The following BRD2 variants were observed in gnomAD, a reference collection of about 807,000 sequenced individuals.
BRD2 encodes the protein bromodomain-containing protein 2.
In BRD2, 15 loss-of-function variants were observed where a neutral mutation model predicts 79.1. The observed-to-expected ratio is 0.19, with a 90% CI of 0.13 to 0.29. The LOEUF is 0.29. BRD2 is among the 10% of genes least tolerant of loss of function. BRD2 has a pLI of 1.00. For missense variants in BRD2, 1,053 were observed against 991.3 expected, an observed-to-expected ratio of 1.06 and a Z score of -0.84; for synonymous variants, 488 against 358.6, an observed-to-expected ratio of 1.36 and a Z score of -4.08.
intron 4 of BRD2, among the ~76,000 whole-genome samples, chr6:32,975,780 T>C (rs1316958825): frequency 6.6e-6 from 1 of 152,196 alleles, no homozygotes; most frequent in Non-Finnish European, 1.5e-5. Flanking sequence ...ACCAGAGACC[T>C]GAGTAGACCA....
At chr6:32,969,235 G>T (rs1416423230) in intron 1 of BRD2, 179 bp downstream of exon 1, 2 of 620,302 alleles carry the variant, frequency 3.2e-6, no homozygotes, top group Non-Finnish European at 6.1e-6. Flanking sequence ...GGGCCATGGG[G>T]GGGGAGGGGA....
intron 8 of BRD2, 61 bp from the exon 9 acceptor site, chr6:32,977,696 G>C: frequency 6.2e-7 from 1 of 1,606,554 alleles, no homozygotes; most frequent in Non-Finnish European, 8.5e-7. Flanking sequence ...TATATCACTT[G>C]GTGGCTGGGT....
intron 1 of BRD2, 72 bp downstream of exon 1, chr6:32,969,128 G>C (rs994484767): frequency 5.2e-5 from 28 of 539,682 alleles, no homozygotes; most frequent in Non-Finnish European, 9.1e-5. Flanking sequence ...CCGGGAGGGG[G>C]ATTCTTGGGG....
intron 10 of BRD2, chr6:32,978,691 G>A (rs951829710): frequency 2.4e-5 from 11 of 453,840 alleles, no homozygotes; most frequent in Non-Finnish European, 3.9e-5. Context: ...TAGGGTTCAT[G>A]CTTCTATGAG....
Position 32,974,571 on chromosome 6 carries a change from A to G in BRD2, c.139A>G (p.Thr47Ala). 1 of 1,614,262 alleles carries G rather than the reference A, an allele frequency of 6.2e-7. No homozygotes were observed. Among genetic ancestry groups the G allele is most frequent in the South Asian group, 1.1e-5 (1 of 91,090 alleles). The change falls in exon 3 of 13, where the codon ACA becomes GCA. Residue 47 changes from threonine (T) to alanine (A), a missense_variant. Physicochemically the swap from Thr to Ala is moderately conservative, Grantham distance 58. Transcript: ENST00000374825. ...SLLYEGFESP[T>A]MASVPALQLT... ...CTTGTATGAGGGCTTTGAGAGCCCC[A>G]CAATGGCTTCGGTGCCTGCTTTGCA...
At chr6:32,979,600 A>C in intron 10 of BRD2, 2 of 534,312 alleles carry the variant, frequency 3.7e-6, no homozygotes, top group Non-Finnish European at 3.3e-6. Flanking sequence ...TCATTAAGGT[A>C]TGTACGTACA....
chr6:32,975,285 G>GTGTGT lies in BRD2; in HGVS notation c.334-99_334-98insTGTGT, dbSNP rs1554143939. On this transcript the variant is annotated intron_variant, in intron 3 of 12. Transcript: ENST00000374825. ...AACTGTTCCTTTGATGCATAGGGGG[G>GTGTGT]GTGTGTGTGTGTGTGTGTGTGTGTG... 3.2e-3 allele frequency: 2,187 copies of GTGTGT among 692,510 alleles called. 3 individuals carry two copies. The highest frequency in any genetic ancestry group is 0.011 in the Middle Eastern group (24 of 2,248). The allele number at this position is 692,510 out of a possible 1,614,324, so 42.9% of individuals were successfully genotyped here. A position where few individuals can be genotyped will look rare whatever the true frequency, so the allele number is the denominator to read the frequency against.
In BRD2 at chr6:32,975,160, G is replaced by T. The variant is rs1001243675; in HGVS notation, c.334-224G>T. Reference sequence around the variant, plus strand: ...TTCCAGAGTGGGTGGGAGGTGGGTGGTTAGAGAAAGGCAGCAGGGGCCTCC... The same window carrying T: ...TTCCAGAGTGGGTGGGAGGTGGGTGTTTAGAGAAAGGCAGCAGGGGCCTCC... On this transcript the variant is annotated intron_variant, in intron 3 of 12. Transcript: ENST00000374825. 4.8e-6 allele frequency: 7 copies of T among 1,464,370 alleles called. No homozygotes were observed. The South Asian group carries it at 8.5e-5, about 18-fold the overall frequency. The allele number at this position is 1,464,370 out of a possible 1,614,324, so 90.7% of individuals were successfully genotyped here.
intron 10 of BRD2, chr6:32,979,571 C>T (rs1416252156): frequency 4.3e-6 from 2 of 460,012 alleles, no homozygotes; most frequent in Non-Finnish European, 7.6e-6. Context: ...TTGTGTGTCA[C>T]ATTTTTAGTA....
In BRD2 at chr6:32,971,745, G is replaced by T; in HGVS notation, c.-1154G>T. ...GGAGGAGCTACGAATGGCACGACCT[G>T]CTCGAGCTTGGCAGTCTCCAGTTGG... On this transcript the variant is annotated 5_prime_UTR_variant, in exon 2 of 13. Transcript: ENST00000374825. 1.7e-6 allele frequency: 1 copy of T among 581,210 alleles called. No individual in the cohort carries two copies. 36.0% of individuals were successfully genotyped at this position (581,210 alleles called of 1,614,324 possible).
At position 32,972,264 on chromosome 6, in the gene BRD2, C is replaced by A; in HGVS notation, c.-635C>A. 4 of 444,774 alleles carry A rather than the reference C, an allele frequency of 9.0e-6. No individual in the cohort carries two copies. The highest frequency in any genetic ancestry group is 1.3e-5 in the Non-Finnish European group (3 of 238,282). 27.6% of individuals were successfully genotyped at this position (444,774 alleles called of 1,614,324 possible). A position where few individuals can be genotyped will look rare whatever the true frequency, so the allele number is the denominator to read the frequency against. On this transcript the variant is annotated 5_prime_UTR_variant, in exon 2 of 13. Transcript: ENST00000374825. Reference sequence around the variant, plus strand: ...GAGGATTCTGCCTACCGATACAGAGCCTTCGAGTCGTCCGGGGCCGCCATT... The same window carrying A: ...GAGGATTCTGCCTACCGATACAGAGACTTCGAGTCGTCCGGGGCCGCCATT...
chr6:32,973,612 CGGA>C (rs1390193863), intron 2 of BRD2, among the ~76,000 whole-genome samples: 5 of 152,062 alleles, frequency 3.3e-5, no homozygotes, highest in African/African-American at 1.2e-4. Context: ...AAAGACTGAT[CGGA>C]GGAGCACCAG....
chr6:32,973,274 T>C lies in BRD2; in HGVS notation c.29+347T>C, dbSNP rs1778279896. The stretch of plus-strand genomic sequence containing the variant: ...GTATCTAGCGGCGGTCTGTTAGCCT[T>C]TTAGGGGGGATTCACGGACACCTCT... On this transcript the variant is annotated intron_variant, in intron 2 of 12. Transcript: ENST00000374825. The C allele has an allele frequency of 4.1e-6, 4 of 967,264 alleles. No homozygotes were observed. In the Admixed American group the frequency reaches 7.6e-5, roughly 18 times the overall value. The allele number at this position is 967,264 out of a possible 1,614,324, so 59.9% of individuals were successfully genotyped here. A position where few individuals can be genotyped will look rare whatever the true frequency, so the allele number is the denominator to read the frequency against.
In BRD2 at chr6:32,977,906, A is replaced by AGAGGAGGAGGAAGATGAG. The variant is rs1452906733; in HGVS notation, c.1485_1502dup (p.Glu495_Glu500dup). 6.2e-7 allele frequency: 1 copy of AGAGGAGGAGGAAGATGAG among 1,612,792 alleles called. No individual in the cohort carries two copies. Among genetic ancestry groups the AGAGGAGGAGGAAGATGAG allele is most frequent in the Admixed American group, 1.7e-5 (1 of 59,968 alleles). On this transcript the variant is annotated inframe_insertion, in exon 9 of 13. Transcript: ENST00000374825. The stretch of plus-strand genomic sequence containing the variant: ...GTAGCAGTGAGAGCTCCTCTGAGGA[A>AGAGGAGGAGGAAGATGAG]GAGGAGGAGGAAGATGAGGAGGACG...
rs746604944 is a variant in BRD2 at position 32,974,443 on chromosome 6, T to A, written c.30-19T>A. On this transcript the variant is annotated intron_variant, in intron 2 of 12. Transcript: ENST00000374825. ...CTCATTTGGACGATATTGCCCTAAT[T>A]TTGTTCCCATCTTTACAGGCTCCCT... The A allele has an allele frequency of 6.3e-7, 1 of 1,599,394 alleles. No homozygotes were observed. Among genetic ancestry groups the A allele is most frequent in the Non-Finnish European group, 8.5e-7 (1 of 1,170,122 alleles).
intron 8 of BRD2, 29 bp from the exon 9 acceptor site, chr6:32,977,728 C>T: frequency 6.2e-7 from 1 of 1,612,286 alleles, no homozygotes; most frequent in Non-Finnish European, 8.5e-7. Flanking sequence ...TGTTTATCAG[C>T]ATAGTTTTGA....
rs1420133023 is a variant in BRD2, at chr6:32,968,644, G to A, written c.-1717G>A. 2 of 153,114 alleles carry A rather than the reference G, an allele frequency of 1.3e-5. No individual in the cohort carries two copies. Among genetic ancestry groups the A allele is most frequent in the Non-Finnish European group, 1.5e-5 (1 of 68,656 alleles). 9.5% of individuals were successfully genotyped at this position (153,114 alleles called of 1,614,324 possible). A position where few individuals can be genotyped will look rare whatever the true frequency, so the allele number is the denominator to read the frequency against. On this transcript the variant is annotated 5_prime_UTR_variant, in exon 1 of 13. Coordinates refer to ENST00000374825, the MANE Select transcript of BRD2 (RefSeq NM_005104.4). ...CTGAACTCGTATGGAGAGGCGAGTGGGGGGGACAGAGTCCAGGACTGCGGG... is the reference window on the plus strand; with the variant it reads ...CTGAACTCGTATGGAGAGGCGAGTGAGGGGGACAGAGTCCAGGACTGCGGG...
In BRD2 at chr6:32,972,943, C is replaced by T. The variant is rs1778221807; in HGVS notation, c.29+16C>T. 1.9e-6 allele frequency: 3 copies of T among 1,613,880 alleles called. No individual in the cohort carries two copies. Among genetic ancestry groups the T allele is most frequent in the African/African-American group, 2.7e-5 (2 of 74,906 alleles). On this transcript the variant is annotated intron_variant, in intron 2 of 12. Coordinates refer to ENST00000374825, the MANE Select transcript of BRD2 (RefSeq NM_005104.4). ...CCCACAATAAGTACGTTTCCGCGAGCCGCGTGTGGGAAGGGGATGTTGCAG... is the reference window on the plus strand; with the variant it reads ...CCCACAATAAGTACGTTTCCGCGAGTCGCGTGTGGGAAGGGGATGTTGCAG...
chr6:32,977,911 A>C lies in BRD2; in HGVS notation c.1484A>C (p.Glu495Ala). 6.2e-7 allele frequency: 1 copy of C among 1,612,686 alleles called. No homozygotes were observed. Reference sequence around the variant, plus strand: ...AGTGAGAGCTCCTCTGAGGAAGAGGAGGAGGAAGATGAGGAGGACGAGGAG... The same window carrying C: ...AGTGAGAGCTCCTCTGAGGAAGAGGCGGAGGAAGATGAGGAGGACGAGGAG... ...SSSESSSEEE[E>A]EEDEEDEEEE... Residue 495 changes from glutamate (E) to alanine (A), a missense_variant, in exon 9 of 13, where the codon GAG (glutamate) becomes GCG (alanine). Physicochemically the swap from Glu to Ala is moderately radical, Grantham distance 107 (BLOSUM62 -1). Transcript: ENST00000374825.
Sources: allele counts gnomAD v4.1 joint callset (sites outside exome capture counted in the v4.1 genomes callset), GRCh38; gene constraint gnomAD v4.1.1; transcripts MANE v1.5; gene names NCBI Gene and HGNC (gene_info 2026-07-23, HGNC 2026-07-21).